ZSCAN5A: variants seen among roughly 807,000 people sequenced by gnomAD.
ZSCAN5A encodes the protein zinc finger and SCAN domain-containing protein 5A.
A neutral mutation model predicts 23.7 loss-of-function variants in ZSCAN5A; 12 were observed. The observed-to-expected ratio is 0.51, with a 90% CI of 0.32 to 0.82. The LOEUF (loss-of-function observed/expected upper bound fraction) is 0.82, where lower values mean the gene tolerates loss of function less well. ZSCAN5A is among the 40% of genes least tolerant of loss of function. The pLI, the probability that ZSCAN5A is intolerant of heterozygous loss-of-function variation, is 0.03. For missense variants in ZSCAN5A, 597 were observed against 617.9 expected, an observed-to-expected ratio of 0.97 and a Z score of 0.36; for synonymous variants, 257 against 239.9, an observed-to-expected ratio of 1.07 and a Z score of -0.66.
intron 2 of ZSCAN5A, among the ~76,000 whole-genome samples, chr19:56,353,578 C>T (rs1240369799): frequency 1.3e-5 from 2 of 151,856 alleles, no homozygotes; most frequent in Non-Finnish European, 2.9e-5. Flanking sequence ...GAGATCGAGA[C>T]CATCCTGGCT....
chr19:56,350,991 TC>T (rs917107999), intron 2 of ZSCAN5A, among the ~76,000 whole-genome samples: 3 of 149,900 alleles, frequency 2.0e-5, no homozygotes, highest in Non-Finnish European at 3.0e-5. Context: ...CCAATTGCTG[TC>T]CCCCCCCAAC....
chr19:56,288,613 T>A (rs1006877340), intron 2 of ZSCAN5A, among the ~76,000 whole-genome samples: 13 of 152,316 alleles, frequency 8.5e-5, no homozygotes, highest in African/African-American at 2.9e-4. Flanking sequence ...GCACCCTCCA[T>A]ACCTTGCGTG....
In ZSCAN5A at chr19:56,223,596, A is replaced by G. The variant is rs748207140; in HGVS notation, c.588+35T>C. The G allele has an allele frequency of 3.7e-5, 59 of 1,605,740 alleles. 1 individual carries two copies. The highest frequency in any genetic ancestry group is 3.3e-4 in the Middle Eastern group (2 of 6,016). On this transcript the variant is annotated intron_variant, in intron 4 of 5. Transcript: ENST00000683990. ...ACGATTTCCTCCTGTTCCTTCTCCC[A>G]CCTCTGCCCAGACACCAAGGCCTCA...
At position 56,271,252 on chromosome 19, in the gene ZSCAN5A, T is replaced by C. The variant is rs568921627; in HGVS notation, c.-128+42031A>G. Among the ~76,000 whole-genome samples the C allele has an allele frequency of 1.8e-4, 28 of 152,318 alleles. No homozygotes were observed. In the East Asian group the frequency reaches 3.3e-3, roughly 18 times the overall value. On this transcript the variant is annotated intron_variant, in intron 2 of 5. Coordinates refer to ENST00000683990, the MANE Select transcript of ZSCAN5A (RefSeq NM_001322064.3). Reference sequence around the variant, plus strand: ...GCCAACGGCCTCCAACCAGGCACTCTTGAAGCCTTCCCTTTCTTTCACTAT... The same window carrying C: ...GCCAACGGCCTCCAACCAGGCACTCCTGAAGCCTTCCCTTTCTTTCACTAT...
chr19:56,355,616 T>C lies in ZSCAN5A; in HGVS notation c.-358+7619A>G, dbSNP rs960214235. On this transcript the variant is annotated intron_variant, in intron 2 of 6. Transcript: ENST00000587340. ...AACAATTATGACTGTAAAACAATTA[T>C]GATAAAATGATTTATAACAGAAAAT... is the stretch of plus-strand genomic sequence containing the variant. Among the ~76,000 whole-genome samples, 3 of 149,122 alleles carry C rather than the reference T, an allele frequency of 2.0e-5. 1 individual carries two copies. Among genetic ancestry groups the C allele is most frequent in the African/African-American group, 5.0e-5 (2 of 39,694 alleles).
chr19:56,333,345 TA>T (rs747836322), intron 2 of ZSCAN5A, among the ~76,000 whole-genome samples: 1 of 151,846 alleles, frequency 6.6e-6, no homozygotes, highest in East Asian at 1.9e-4. Flanking sequence ...TCAAAGACTT[TA>T]TTTTTTTTTT....
At chr19:56,222,801 C>T (rs541481829) in intron 4 of ZSCAN5A, 60 bp from the exon 5 acceptor site, 5 of 1,604,316 alleles carry the variant, frequency 3.1e-6, no homozygotes, top group South Asian at 2.2e-5. Flanking sequence ...AGCAGGGACA[C>T]ATCTGTCCCC....
chr19:56,261,916 G>A (rs1014638753), intron 2 of ZSCAN5A, among the ~76,000 whole-genome samples: 6 of 152,082 alleles, frequency 3.9e-5, no homozygotes, highest in African/African-American at 1.2e-4. Context: ...ATGGATAGAC[G>A]GATAGATTCA....
intron 1 of ZSCAN5A, among the ~76,000 whole-genome samples, chr19:56,366,678 G>C (rs898268187): frequency 6.6e-6 from 1 of 152,170 alleles, no homozygotes; most frequent in African/African-American, 2.4e-5. Flanking sequence ...TCTGAGTTCA[G>C]CCTGTAAAAG....
At chr19:56,289,366 G>C (rs1466490616) in intron 2 of ZSCAN5A, among the ~76,000 whole-genome samples, 18 of 152,184 alleles carry the variant, frequency 1.2e-4, no homozygotes, top group Admixed American at 1.1e-3. Flanking sequence ...GTCTGGAGGA[G>C]AGAAAGGGGC....
chr19:56,284,513 ATT>A (rs11374260), intron 2 of ZSCAN5A, among the ~76,000 whole-genome samples: 48 of 118,324 alleles, frequency 4.1e-4, no homozygotes, highest in African/African-American at 1.3e-3. Flanking sequence ...GCTTGCTGTA[ATT>A]TTTTTTTTTT....
At position 56,222,338 on chromosome 19, in the gene ZSCAN5A, G is replaced by C. The variant is rs780809167; in HGVS notation, c.740-12C>G. On this transcript the variant is annotated splice_polypyrimidine_tract_variant and intron_variant, in intron 5 of 5. Transcript: ENST00000683990. The stretch of plus-strand genomic sequence containing the variant: ...TCTCACCAGATCTGCTGGAAGAAGG[G>C]ATTCCACACACACAGTTAATAAAGC... 6.2e-7 allele frequency: 1 copy of C among 1,608,826 alleles called. No homozygotes were observed. The highest frequency in any genetic ancestry group is 1.7e-5 in the Admixed American group (1 of 59,808).
chr19:56,222,788 G>C, intron 4 of ZSCAN5A, 47 bp from the exon 5 acceptor site: 1 of 1,613,332 alleles, frequency 6.2e-7, no homozygotes. Context: ...CCAAACTGGT[G>C]GAAGCAGGGA....
chr19:56,309,685 G>C (rs1330496046), intron 2 of ZSCAN5A, among the ~76,000 whole-genome samples: 1 of 152,286 alleles, frequency 6.6e-6, no homozygotes, highest in East Asian at 1.9e-4. Context: ...CACCAGGCTA[G>C]GGGGTGCAGC....
At chr19:56,332,359 T>C (rs1268086153) in intron 2 of ZSCAN5A, among the ~76,000 whole-genome samples, 2 of 152,226 alleles carry the variant, frequency 1.3e-5, no homozygotes, top group Non-Finnish European at 2.9e-5. Flanking sequence ...GGTACGTATG[T>C]ATTTAGATAG....
intron 2 of ZSCAN5A, among the ~76,000 whole-genome samples, chr19:56,302,581 C>CTT (rs1555807484): frequency 2.5e-5 from 1 of 39,990 alleles, no homozygotes; most frequent in Non-Finnish European, 4.1e-5. Context: ...TTCTTCCTCC[C>CTT]CCTTTTCTTC....
chr19:56,339,188 T>C (rs2041568489), intron 2 of ZSCAN5A, among the ~76,000 whole-genome samples: 1 of 152,288 alleles, frequency 6.6e-6, no homozygotes, highest in Non-Finnish European at 1.5e-5. Flanking sequence ...TCAAGTCTTC[T>C]CTTGCAGATT....
intron 2 of ZSCAN5A, among the ~76,000 whole-genome samples, chr19:56,272,191 C>A (rs2037898347): frequency 6.6e-6 from 1 of 152,192 alleles, no homozygotes; most frequent in African/African-American, 2.4e-5. Flanking sequence ...AAAAACAATA[C>A]TTACTTCTGA....
chr19:56,291,180 T>G (rs568235546), intron 2 of ZSCAN5A, among the ~76,000 whole-genome samples: 2 of 152,174 alleles, frequency 1.3e-5, no homozygotes, highest in Non-Finnish European at 2.9e-5. Flanking sequence ...TACATATTTG[T>G]TGGGAGGGCC....
Sources: gnomAD v4.1 joint callset for allele counts (sites outside exome capture counted in the v4.1 genomes callset) on GRCh38, gnomAD v4.1.1 for gene constraint, MANE v1.5 for transcripts, NCBI Gene and HGNC (gene_info 2026-07-23, HGNC 2026-07-21) for gene names.